ZMYM4: variants seen among roughly 807,000 people sequenced by gnomAD.
The protein encoded by ZMYM4 is zinc finger MYM-type protein 4.
Under a neutral mutation model 183.2 loss-of-function variants are expected in ZMYM4, and 31 were observed. The observed-to-expected ratio is 0.17, with a 90% CI of 0.13 to 0.23. The LOEUF (loss-of-function observed/expected upper bound fraction) is 0.23. ZMYM4 is among the 10% of genes least tolerant of loss of function. The pLI is 1.00. For missense variants in ZMYM4, 1,273 were observed against 1,840.3 expected (o/e 0.69, Z 5.64); for synonymous variants, 592 against 631.2 (o/e 0.94, Z 0.93).
Position 35,325,381 on chromosome 1 carries a change from GT to G in ZMYM4, c.66del (p.Phe22LeufsTer5). ...RKRFEQKSGA[V>X]FDEIVENCGG... Reference sequence around the variant, plus strand: ...CCAGTTTGAACAAAAAAGTGGTGCAGTTTTTGATGAAATTGTAGAGAACTGT... The same window carrying G: ...CCAGTTTGAACAAAAAAGTGGTGCAGTTTTGATGAAATTGTAGAGAACTGT... On this transcript the variant is annotated frameshift_variant, in exon 2 of 30. Coordinates refer to ENST00000314607, the MANE Select transcript of ZMYM4 (RefSeq NM_005095.3). LOFTEE classifies it high-confidence loss of function. 1 of 1,602,820 alleles carries G rather than the reference GT, an allele frequency of 6.2e-7. No homozygotes were observed. The highest frequency in any genetic ancestry group is 8.5e-7 in the Non-Finnish European group (1 of 1,173,954).
At chr1:35,383,405 A>G (rs114253911) in intron 9 of ZMYM4, among the ~76,000 whole-genome samples, 2,537 of 152,286 alleles carry the variant, frequency 0.017, 66 homozygotes, top group African/African-American at 0.057. Context: ...GGTGAATTTA[A>G]TAGCGTTGAT....
intron 23 of ZMYM4, among the ~76,000 whole-genome samples, chr1:35,401,990 C>A (rs544067241): frequency 4.6e-5 from 7 of 152,202 alleles, no homozygotes; most frequent in African/African-American, 1.4e-4. Flanking sequence ...CCAGTACCAA[C>A]TGTCCTGATT....
At chr1:35,316,532 T>A (rs1642053734) in intron 1 of ZMYM4, among the ~76,000 whole-genome samples, 1 of 152,244 alleles carries the variant, frequency 6.6e-6, no homozygotes, top group Non-Finnish European at 1.5e-5. Flanking sequence ...ATCACATCAC[T>A]TCTTTCAGAG....
At chr1:35,391,928 C>G (rs972563641) in intron 15 of ZMYM4, among the ~76,000 whole-genome samples, 8 of 152,108 alleles carry the variant, frequency 5.3e-5, no homozygotes, top group Non-Finnish European at 1.2e-4. Context: ...GTAGTCCCAG[C>G]TACTTGGGAG....
intron 3 of ZMYM4, 89 bp from the exon 4 acceptor site, chr1:35,361,105 A>G: frequency 8.7e-7 from 1 of 1,149,688 alleles, no homozygotes; most frequent in South Asian, 1.7e-5. Flanking sequence ...AAGAGAGGTG[A>G]TTATCAAATG....
At chr1:35,287,494 GTCTACAACTGAACT>G (rs1640560336) in intron 1 of ZMYM4, among the ~76,000 whole-genome samples, 1 of 152,100 alleles carries the variant, frequency 6.6e-6, no homozygotes, top group African/African-American at 2.4e-5. Flanking sequence ...AATTCACTAT[GTCTACAACTGAACT>G]CCTACTTCCT....
intron 7 of ZMYM4, among the ~76,000 whole-genome samples, chr1:35,375,726 G>A (rs1644319955): frequency 6.6e-6 from 1 of 152,070 alleles, no homozygotes; most frequent in African/African-American, 2.4e-5. Flanking sequence ...AAGAATTTTG[G>A]TTGCCATTTA....
At chr1:35,298,528 A>G (rs1641126450) in intron 1 of ZMYM4, among the ~76,000 whole-genome samples, 1 of 152,172 alleles carries the variant, frequency 6.6e-6, no homozygotes. Context: ...CTTGCAGGGT[A>G]GGTGCTTTCT....
At chr1:35,311,864 A>G (rs1641816954) in intron 1 of ZMYM4, among the ~76,000 whole-genome samples, 1 of 151,726 alleles carries the variant, frequency 6.6e-6, no homozygotes, top group Non-Finnish European at 1.5e-5. Context: ...ATATTATTTC[A>G]CTTTTGTATG....
intron 7 of ZMYM4, among the ~76,000 whole-genome samples, chr1:35,380,954 G>A (rs1004897441): frequency 3.9e-5 from 6 of 152,016 alleles, no homozygotes; most frequent in Non-Finnish European, 7.4e-5. Flanking sequence ...GAAAAATCTC[G>A]TATAATCCCT....
At chr1:35,308,008 T>G (rs1641621836) in intron 1 of ZMYM4, among the ~76,000 whole-genome samples, 1 of 151,964 alleles carries the variant, frequency 6.6e-6, no homozygotes, top group African/African-American at 2.4e-5. Context: ...TTTTTAATTT[T>G]TTTGAGATGG....
chr1:35,371,233 G>A (rs1157775444), intron 7 of ZMYM4, among the ~76,000 whole-genome samples: 4 of 151,456 alleles, frequency 2.6e-5, no homozygotes, highest in Admixed American at 6.6e-5. Context: ...CTCCTGCCTC[G>A]GCCTCCTGAG....
chr1:35,352,386 G>GCGCACACACACACACACACACACACA (rs1231646476), intron 2 of ZMYM4, among the ~76,000 whole-genome samples: 2 of 128,394 alleles, frequency 1.6e-5, no homozygotes, highest in African/African-American at 5.9e-5. Flanking sequence ...AAAAATTAGC[G>GCGCACACACACACACACACACACACA]CACACACACA....
At chr1:35,357,898 G>A (rs1643868776) in intron 2 of ZMYM4, among the ~76,000 whole-genome samples, 1 of 152,154 alleles carries the variant, frequency 6.6e-6, no homozygotes, top group Non-Finnish European at 1.5e-5. Context: ...CAGGAATCTT[G>A]CAGAAAAGCT....
At chr1:35,293,985 A>G (rs929431403) in intron 1 of ZMYM4, among the ~76,000 whole-genome samples, 6 of 152,130 alleles carry the variant, frequency 3.9e-5, no homozygotes, top group Non-Finnish European at 2.9e-5. Context: ...AACACAAAAA[A>G]TTAGCTGGGC....
At chr1:35,410,439 C>T (rs1036594813) in intron 26 of ZMYM4, among the ~76,000 whole-genome samples, 2 of 151,624 alleles carry the variant, frequency 1.3e-5, no homozygotes, top group African/African-American at 4.8e-5. Context: ...GTGTAGTGTA[C>T]TTTGAATGAC....
At chr1:35,294,679 A>G (rs935567982) in intron 1 of ZMYM4, among the ~76,000 whole-genome samples, 4 of 152,222 alleles carry the variant, frequency 2.6e-5, no homozygotes, top group Admixed American at 6.5e-5. Flanking sequence ...CCAAATGCCA[A>G]TACATATCCT....
chr1:35,360,468 T>C (rs1476653259), intron 3 of ZMYM4, among the ~76,000 whole-genome samples: 7 of 152,120 alleles, frequency 4.6e-5, no homozygotes. Flanking sequence ...AACAAACCAG[T>C]ATTGTTAAAA....
At chr1:35,303,860 C>G (rs1232373769) in intron 1 of ZMYM4, among the ~76,000 whole-genome samples, 1 of 152,014 alleles carries the variant, frequency 6.6e-6, no homozygotes, top group African/African-American at 2.4e-5. Context: ...GATTTGGCAT[C>G]CTTCTTTAAG....
Sources: allele counts gnomAD v4.1 joint callset (sites outside exome capture counted in the v4.1 genomes callset), GRCh38; gene constraint gnomAD v4.1.1; transcripts MANE v1.5; gene names NCBI Gene and HGNC (gene_info 2026-07-23, HGNC 2026-07-21).